The following MAOA variants were observed in gnomAD, a reference collection of about 807,000 sequenced individuals.
MAOA encodes the protein monoamine oxidase A.
Under a neutral mutation model 42.0 loss-of-function variants are expected in MAOA, and 6 were observed. That is an observed-to-expected ratio of 0.14 (90% CI 0.08 to 0.28). The LOEUF is 0.28. MAOA is among the 10% of genes least tolerant of loss of function. The pLI is 1.00. For synonymous variants in MAOA, 140 were observed against 154.0 expected (o/e 0.91, Z 0.67); for missense variants, 262 against 422.3 (o/e 0.62, Z 3.33).
intron 5 of MAOA, among the ~76,000 whole-genome samples, chrX:43,722,098 C>T (rs2033795062): frequency 1.8e-5 from 2 of 111,778 alleles, no homozygotes; most frequent in South Asian, 7.5e-4. Context: ...TATTGATGGG[C>T]ATTTGGGTTG....
intron 6 of MAOA, among the ~76,000 whole-genome samples, chrX:43,730,467 C>T (rs1427450156): frequency 9.4e-6 from 1 of 106,247 alleles, no homozygotes. Context: ...AAAAGTTACT[C>T]AAGATCTGAT....
intron 5 of MAOA, among the ~76,000 whole-genome samples, chrX:43,723,399 C>T (rs1409408885): frequency 1.8e-5 from 2 of 111,215 alleles, no homozygotes; most frequent in East Asian, 5.6e-4. Context: ...TAAAGAGGTC[C>T]TTCACATCCC....
intron 3 of MAOA, among the ~76,000 whole-genome samples, chrX:43,704,810 C>T (rs763636321): frequency 7.2e-5 from 8 of 111,489 alleles, no homozygotes; most frequent in African/African-American, 2.6e-4. Context: ...ATTTCTAATA[C>T]AGTAGCAATG....
intron 1 of MAOA, among the ~76,000 whole-genome samples, chrX:43,666,414 C>T (rs1204218651): frequency 3.6e-5 from 4 of 111,295 alleles, no homozygotes; most frequent in Non-Finnish European, 5.7e-5. Context: ...ACACCACATC[C>T]ATTCCAGCAG....
intron 2 of MAOA, 29 bp downstream of exon 2, chrX:43,683,636 G>C: frequency 9.2e-7 from 1 of 1,084,398 alleles, no homozygotes; most frequent in Non-Finnish European, 1.3e-6. Flanking sequence ...TACATGTAAT[G>C]TAATATCTCA....
At chrX:43,713,054 A>C (rs780122449) in intron 5 of MAOA, among the ~76,000 whole-genome samples, 1 of 112,382 alleles carries the variant, frequency 8.9e-6, no homozygotes, top group East Asian at 2.8e-4. Flanking sequence ...AAAATCAATA[A>C]TTGTGTTTTC....
upstream of MAOA, chrX:43,655,907 CCA>C (rs766400357): frequency 4.5e-5 from 8 of 179,548 alleles, no homozygotes; most frequent in Non-Finnish European, 8.5e-5. Context: ...TAACATTTCC[CCA>C]GTGTCGCCAC....
At chrX:43,673,622 T>C (rs775364711) in intron 1 of MAOA, among the ~76,000 whole-genome samples, 4 of 110,244 alleles carry the variant, frequency 3.6e-5, no homozygotes, top group East Asian at 2.8e-4. Context: ...TTTGAATGTG[T>C]CCCAGAGATT....
At chrX:43,733,379 A>G (rs374968212) in intron 9 of MAOA, among the ~76,000 whole-genome samples, 14 of 111,465 alleles carry the variant, frequency 1.3e-4, no homozygotes, top group African/African-American at 4.6e-4. Context: ...CTTAACCTCT[A>G]AAGTGTGCGG....
chrX:43,739,923 T>A (rs1461097583), intron 10 of MAOA, among the ~76,000 whole-genome samples: 2 of 112,517 alleles, frequency 1.8e-5, no homozygotes, highest in African/African-American at 6.5e-5. Context: ...CCATGAGTAG[T>A]TGTGAGTTTA....
At chrX:43,735,329 A>G (rs1267584301) in intron 9 of MAOA, among the ~76,000 whole-genome samples, 2 of 112,557 alleles carry the variant, frequency 1.8e-5, no homozygotes, top group African/African-American at 6.4e-5. Context: ...GATTTTTGAA[A>G]GCTTTCTAAT....
intron 5 of MAOA, among the ~76,000 whole-genome samples, chrX:43,721,144 A>G (rs1253879763): frequency 9.0e-6 from 1 of 111,109 alleles, no homozygotes; most frequent in Non-Finnish European, 1.9e-5. Flanking sequence ...TGTGGGAAGA[A>G]TGGTATCTTT....
intron 3 of MAOA, among the ~76,000 whole-genome samples, chrX:43,701,918 CT>C (rs1469799300): frequency 8.9e-6 from 1 of 111,982 alleles, no homozygotes; most frequent in African/African-American, 3.2e-5. Flanking sequence ...TTTCTACTTC[CT>C]TCCTATTTCT....
Position 43,741,931 on chromosome X carries a change from CT to C in MAOA, c.1165-17del, listed in dbSNP as rs1405331053. ...AGCTTTGTTTTCTCTTTTGTATTTT[CT>C]TCCCCACTGAACTGCAGCCAGTGCA... On this transcript the variant is annotated intron_variant, in intron 11 of 14. Transcript: ENST00000338702. 2 of 1,211,143 alleles carry C rather than the reference CT, an allele frequency of 1.7e-6. No individual in the cohort carries two copies. Among genetic ancestry groups the C allele is most frequent in the East Asian group, 5.9e-5 (2 of 33,794 alleles).
At chrX:43,728,784 T>G (rs370206022) in intron 6 of MAOA, among the ~76,000 whole-genome samples, 2 of 112,618 alleles carry the variant, frequency 1.8e-5, no homozygotes, top group East Asian at 5.5e-4. Flanking sequence ...TTATGGCCAC[T>G]CTTGCAATAG....
intron 6 of MAOA, 71 bp downstream of exon 6, chrX:43,728,385 C>G: frequency 1.9e-6 from 2 of 1,058,638 alleles, no homozygotes; most frequent in Middle Eastern, 2.9e-4. Flanking sequence ...AGGGCAGTGT[C>G]TTTAATAGTT....
chrX:43,719,120 G>T (rs761396922), intron 5 of MAOA, among the ~76,000 whole-genome samples: 20 of 111,242 alleles, frequency 1.8e-4, no homozygotes, highest in Non-Finnish European at 3.6e-4. Flanking sequence ...GACAAGGCAA[G>T]GTGGAAGTGT....
At chrX:43,660,168 T>G (rs1246706094) in intron 1 of MAOA, among the ~76,000 whole-genome samples, 1 of 111,461 alleles carries the variant, frequency 9.0e-6, no homozygotes, top group Non-Finnish European at 1.9e-5. Context: ...AGTGAGAACA[T>G]ATGGTATTGG....
chrX:43,709,586 T>A (rs1285729147), intron 3 of MAOA, among the ~76,000 whole-genome samples: 2 of 111,013 alleles, frequency 1.8e-5, no homozygotes, highest in African/African-American at 6.6e-5. Flanking sequence ...AAAGATCAGT[T>A]TTGCATTAGA....
Sources: gnomAD v4.1 joint callset for allele counts (sites outside exome capture counted in the v4.1 genomes callset) on GRCh38, gnomAD v4.1.1 for gene constraint, MANE v1.5 for transcripts, NCBI Gene and HGNC (gene_info 2026-07-23, HGNC 2026-07-21) for gene names.